RBBP8: variants seen among roughly 807,000 people sequenced by gnomAD.
RBBP8 encodes the protein RB binding protein 8, endonuclease.
RBBP8 carries 88 observed loss-of-function variants against 108.3 expected under a neutral mutation model. That is an observed-to-expected ratio of 0.81 (90% CI 0.68 to 0.97). RBBP8 has a LOEUF of 0.97. RBBP8 is among the 50% of genes least tolerant of loss of function. The pLI is 0.00. For missense variants in RBBP8, 1,023 were observed against 1,049.0 expected (o/e 0.98, Z 0.34); for synonymous variants, 332 against 348.2 (o/e 0.95, Z 0.52).
At chr18:23,022,900 T>A (rs1445210677) in intron 18 of RBBP8, among the ~76,000 whole-genome samples, 1 of 95,740 alleles carries the variant, frequency 1.0e-5, no homozygotes, top group Non-Finnish European at 2.2e-5. Flanking sequence ...TATTCTATCA[T>A]CAAAATGATT....
intron 3 of RBBP8, among the ~76,000 whole-genome samples, chr18:22,919,628 T>C (rs894308102): frequency 6.6e-6 from 1 of 152,178 alleles, no homozygotes; most frequent in Non-Finnish European, 1.5e-5. Context: ...CTTGGCTTAC[T>C]GCAACCTCTG....
intron 12 of RBBP8, 131 bp downstream of exon 12, chr18:22,993,978 G>T (rs910196668): frequency 2.4e-6 from 2 of 818,940 alleles, no homozygotes; most frequent in Non-Finnish European, 3.8e-6. Context: ...TGTATTTATA[G>T]GACGATTCTC....
chr18:23,020,314 T>C (rs2046328156), intron 17 of RBBP8, among the ~76,000 whole-genome samples: 4 of 151,782 alleles, frequency 2.6e-5, no homozygotes. Flanking sequence ...CCAGCTACTC[T>C]GGAGGCTGAG....
At position 22,936,742 on chromosome 18, in the gene RBBP8, C is replaced by G; in HGVS notation, c.-98-12C>G. On this transcript the variant is annotated splice_polypyrimidine_tract_variant and intron_variant, in intron 1 of 18. Transcript: ENST00000327155. ...ATGCAAAGTTCATTTATGTTGCAAT[C>G]TGTCATTTCAGGTATTTGACCTGTC... The G allele has an allele frequency of 8.2e-7, 1 of 1,213,434 alleles. No individual in the cohort carries two copies. The highest frequency in any genetic ancestry group is 1.2e-6 in the Non-Finnish European group (1 of 827,060). The allele number at this position is 1,213,434 out of a possible 1,614,324, so 75.2% of individuals were successfully genotyped here.
chr18:22,996,429 G>A lies in RBBP8; in HGVS notation c.1995G>A (p.Gln665=), dbSNP rs756120370. 9.3e-6 allele frequency: 15 copies of A among 1,613,426 alleles called. No homozygotes were observed. Among genetic ancestry groups the A allele is most frequent in the Non-Finnish European group, 5.9e-6 (7 of 1,179,848 alleles). The change falls in exon 13 of 19, where the codon CAG becomes CAA. Residue 665 remains glutamine, a synonymous_variant. Coordinates refer to ENST00000327155, the MANE Select transcript of RBBP8 (RefSeq NM_002894.3). ...WSIDPGADLS[Q]YKMDVTVIDT... Reference sequence around the variant, plus strand: ...TAGATCCGGGAGCAGACCTTTCTCAGTATAAAATGGATGTTACTGTAATAG... The same window carrying A: ...TAGATCCGGGAGCAGACCTTTCTCAATATAAAATGGATGTTACTGTAATAG...
intron 2 of RBBP8, among the ~76,000 whole-genome samples, chr18:22,945,152 C>A (rs981486077): frequency 6.6e-6 from 1 of 151,972 alleles, no homozygotes; most frequent in Non-Finnish European, 1.5e-5. Flanking sequence ...AATAAAAATT[C>A]TTGAGTAGAT....
At chr18:22,940,132 T>G (rs1406531848) in intron 2 of RBBP8, among the ~76,000 whole-genome samples, 7 of 151,948 alleles carry the variant, frequency 4.6e-5, no homozygotes, top group Non-Finnish European at 1.0e-4. Flanking sequence ...CTGAAGAGAT[T>G]GTCATCTTGC....
chr18:22,963,931 TTAA>T (rs1456888304), intron 4 of RBBP8, among the ~76,000 whole-genome samples: 1 of 152,266 alleles, frequency 6.6e-6, no homozygotes, highest in East Asian at 1.9e-4. Context: ...TTAAAAAAAA[TTAA>T]TGATAGGAAG....
At chr18:22,975,314 A>G in intron 6 of RBBP8, 95 bp downstream of exon 6, 1 of 1,524,032 alleles carries the variant, frequency 6.6e-7, no homozygotes, top group Non-Finnish European at 8.9e-7. Context: ...TTTAAAAATT[A>G]TGAAGTGTTC....
rs34391197 is a variant in RBBP8, at chr18:23,013,262, G to A, written c.2358-3566G>A. On this transcript the variant is annotated intron_variant, in intron 16 of 18. Transcript: ENST00000327155. ...TTAAATCACCTTCCCCTAAAATGTG[G>A]AAGCTATGGTTTTTTAAGGATAGTT... is the stretch of plus-strand genomic sequence containing the variant. 3.3e-3 allele frequency among the ~76,000 whole-genome samples: 504 copies of A among 152,282 alleles called. 4 individuals carry two copies. The highest frequency in any genetic ancestry group is 5.9e-3 in the Non-Finnish European group (399 of 68,018).
intron 6 of RBBP8, among the ~76,000 whole-genome samples, chr18:22,980,147 G>A (rs1240952235): frequency 6.6e-6 from 1 of 152,066 alleles, no homozygotes; most frequent in Non-Finnish European, 1.5e-5. Context: ...TCAGGAGGCT[G>A]AGGCACTAGA....
intron 8 of RBBP8, among the ~76,000 whole-genome samples, chr18:22,986,589 C>T (rs925863918): frequency 1.3e-5 from 2 of 151,534 alleles, no homozygotes; most frequent in Non-Finnish European, 2.9e-5. Context: ...ATAGCATGAT[C>T]GGCATTTATT....
chr18:22,984,798 T>G, intron 7 of RBBP8, 88 bp from the exon 8 acceptor site: 1 of 763,944 alleles, frequency 1.3e-6, no homozygotes, highest in Non-Finnish European at 2.1e-6. Flanking sequence ...TACATAAAAA[T>G]TTTAAATATG....
intron 18 of RBBP8, among the ~76,000 whole-genome samples, chr18:23,023,402 G>T (rs2046404917): frequency 6.6e-6 from 1 of 152,144 alleles, no homozygotes; most frequent in Admixed American, 6.5e-5. Flanking sequence ...AGCTTGTTTA[G>T]ATATGACACT....
chr18:22,993,909 T>C (rs1419316703), intron 12 of RBBP8, 62 bp downstream of exon 12: 5 of 1,529,762 alleles, frequency 3.3e-6, no homozygotes, highest in Non-Finnish European at 4.5e-6. Context: ...TGTCATTATT[T>C]ACTTTTTTAA....
chr18:23,003,028 A>C (rs1487601997), intron 15 of RBBP8, among the ~76,000 whole-genome samples: 1 of 152,232 alleles, frequency 6.6e-6, no homozygotes, highest in Non-Finnish European at 1.5e-5. Context: ...GACACTGACT[A>C]TCCCAGAATT....
At chr18:22,957,291 CTTTTTTTTTT>C (rs11418623) in intron 4 of RBBP8, among the ~76,000 whole-genome samples, 15 of 92,842 alleles carry the variant, frequency 1.6e-4, no homozygotes, top group African/African-American at 5.2e-4. Flanking sequence ...ATTACTTTTT[CTTTTTTTTTT>C]TTTTTTTTTT....
At position 22,982,349 on chromosome 18, in the gene RBBP8, T is replaced by G. The variant is rs765791481; in HGVS notation, c.560T>G (p.Ile187Arg). Residue 187 changes from isoleucine (I) to arginine (R), a missense_variant, in exon 7 of 19, where the codon ATA (isoleucine) becomes AGA (arginine). Ile to Arg is a moderately conservative substitution (Grantham distance 97). Coordinates refer to ENST00000327155, the MANE Select transcript of RBBP8 (RefSeq NM_002894.3). ...AAGGAGAACCCCCATGTCCGATACA[T>G]AGAACAAACACATACTAAATTGGAG... is the stretch of plus-strand genomic sequence containing the variant. ...RRKENPHVRYIEQTHTKLEHS... is the reference protein window; with the variant it reads ...RRKENPHVRYREQTHTKLEHS... 2 of 1,614,154 alleles carry G rather than the reference T, an allele frequency of 1.2e-6. No homozygotes were observed. The highest frequency in any genetic ancestry group is 2.2e-5 in the East Asian group (1 of 44,870).
chr18:22,928,147 G>A (rs919411024), intron 3 of RBBP8, among the ~76,000 whole-genome samples: 2 of 151,334 alleles, frequency 1.3e-5, no homozygotes, highest in Admixed American at 6.6e-5. Context: ...GCTATCATAA[G>A]CTGAGATCGC....
Sources: gnomAD v4.1 joint callset for allele counts (sites outside exome capture counted in the v4.1 genomes callset) on GRCh38, gnomAD v4.1.1 for gene constraint, MANE v1.5 for transcripts, NCBI Gene and HGNC (gene_info 2026-07-23, HGNC 2026-07-21) for gene names.